The following CPED1 variants were observed in gnomAD, a reference collection of about 807,000 sequenced individuals.
CPED1 encodes cadherin-like and PC-esterase domain-containing protein 1.
A neutral mutation model predicts 128.2 loss-of-function variants in CPED1; 114 were observed. That is an observed-to-expected ratio of 0.89 (90% CI 0.76 to 1.04). CPED1 has a LOEUF of 1.04. Ranked by LOEUF, CPED1 falls within the 50% of genes least tolerant of loss-of-function variation. CPED1 has a pLI of 0.00. For synonymous variants in CPED1, 462 were observed against 426.7 expected, an observed-to-expected ratio of 1.08 and a Z score of -1.02; for missense variants, 1,211 against 1,207.1, an observed-to-expected ratio of 1.00 and a Z score of -0.05.
intron 7 of CPED1, among the ~76,000 whole-genome samples, chr7:121,103,998 C>G (rs562271304): frequency 4.6e-5 from 7 of 152,126 alleles, no homozygotes; most frequent in African/African-American, 1.7e-4. Flanking sequence ...TTTTAATGCC[C>G]TTCTACATAA....
At chr7:121,236,949 T>C (rs1245756560) in intron 17 of CPED1, 118 bp downstream of exon 17, 10 of 494,892 alleles carry the variant, frequency 2.0e-5, no homozygotes, top group Admixed American at 1.9e-4. Context: ...TTATTGACAA[T>C]GAACTATAAA....
intron 16 of CPED1, among the ~76,000 whole-genome samples, chr7:121,155,184 GA>G (rs1392244669): frequency 3.9e-5 from 6 of 152,084 alleles, no homozygotes; most frequent in African/African-American, 7.2e-5. Flanking sequence ...TTTGTACAAG[GA>G]AAACTATAAA....
intron 13 of CPED1, among the ~76,000 whole-genome samples, chr7:121,134,102 A>T (rs2116344601): frequency 6.6e-6 from 1 of 152,128 alleles, no homozygotes; most frequent in Non-Finnish European, 1.5e-5. Flanking sequence ...AAGGAAATGA[A>T]CTCCGTATGT....
chr7:121,202,079 A>G (rs1311935279), intron 16 of CPED1, among the ~76,000 whole-genome samples: 1 of 152,160 alleles, frequency 6.6e-6, no homozygotes, highest in Non-Finnish European at 1.5e-5. Flanking sequence ...TTAGACATCA[A>G]AAAGAAAAGG....
In CPED1 at chr7:121,261,673, A is replaced by C. The variant is rs866610819; in HGVS notation, c.2311-4554A>C. The C allele has an allele frequency of 2.7e-5, 44 of 1,611,048 alleles. No homozygotes were observed. In the Middle Eastern group the frequency reaches 5.0e-4, roughly 18 times the overall value. The stretch of plus-strand genomic sequence containing the variant: ...AGAGAGTTCCTAGAAGCCGTAATTG[A>C]AGACACAATCCAGTCATCCTGGGAC... On this transcript the variant is annotated intron_variant, in intron 18 of 22. Coordinates refer to ENST00000310396, the MANE Select transcript of CPED1 (RefSeq NM_024913.5).
intron 22 of CPED1, among the ~76,000 whole-genome samples, chr7:121,293,092 C>T (rs768009159): frequency 6.6e-6 from 1 of 152,184 alleles, no homozygotes; most frequent in Non-Finnish European, 1.5e-5. Context: ...CAAGCAGGAA[C>T]GTTTAAGTCT....
At chr7:121,094,083 A>G (rs73717448) in intron 5 of CPED1, among the ~76,000 whole-genome samples, 2,006 of 152,272 alleles carry the variant, frequency 0.013, 39 homozygotes, top group African/African-American at 0.046. Context: ...AAGTTCTAAG[A>G]CTTATCAATG....
Position 120,989,863 on chromosome 7 carries a change from C to A in CPED1, c.242C>A (p.Thr81Asn). 1 of 1,614,056 alleles carries A rather than the reference C, an allele frequency of 6.2e-7. No homozygotes were observed. Among genetic ancestry groups the A allele is most frequent in the Non-Finnish European group, 8.5e-7 (1 of 1,180,010 alleles). ...CFLLSGNAQETRKVKESMETH... is the reference protein window; with the variant it reads ...CFLLSGNAQENRKVKESMETH... The stretch of plus-strand genomic sequence containing the variant: ...CTTCTCTCTGGTAATGCCCAGGAAA[C>A]CAGAAAGGTAAGACTCTCATAAGCT... Residue 81 changes from threonine to asparagine, a missense_variant, in exon 2 of 23, where the codon ACC (threonine) becomes AAC (asparagine). Physicochemically the swap from Thr to Asn is moderately conservative, Grantham distance 65. Coordinates refer to ENST00000310396, the MANE Select transcript of CPED1 (RefSeq NM_024913.5).
chr7:121,209,448 T>C (rs1408871773), intron 16 of CPED1, among the ~76,000 whole-genome samples: 2 of 152,064 alleles, frequency 1.3e-5, no homozygotes, highest in African/African-American at 4.8e-5. Flanking sequence ...GTCAGCTTTA[T>C]GAAACTATAA....
intron 18 of CPED1, among the ~76,000 whole-genome samples, chr7:121,254,631 C>T (rs1050296964): frequency 2.0e-5 from 3 of 151,574 alleles, no homozygotes; most frequent in Non-Finnish European, 4.4e-5. Flanking sequence ...GTCGGTTCTT[C>T]AAAAAGATAA....
At chr7:121,152,252 A>G (rs143484896) in intron 16 of CPED1, among the ~76,000 whole-genome samples, 1 of 151,706 alleles carries the variant, frequency 6.6e-6, no homozygotes, top group African/African-American at 2.4e-5. Context: ...CCAGCTCCCC[A>G]CCCCTCCACA....
chr7:121,004,402 C>T (rs746738382), intron 2 of CPED1, among the ~76,000 whole-genome samples: 1 of 152,174 alleles, frequency 6.6e-6, no homozygotes. Flanking sequence ...CTGAATTCTA[C>T]CCTTACATCC....
intron 7 of CPED1, among the ~76,000 whole-genome samples, chr7:121,121,207 C>G (rs1030286942): frequency 1.3e-5 from 2 of 152,130 alleles, no homozygotes; most frequent in Non-Finnish European, 2.9e-5. Context: ...GGAAAGATAT[C>G]AGACATGATC....
At position 121,128,377 on chromosome 7, in the gene CPED1, T is replaced by A. The variant is rs199821017; in HGVS notation, c.1303-5T>A. The A allele has an allele frequency of 6.7e-7, 1 of 1,493,434 alleles. No individual in the cohort carries two copies. Among genetic ancestry groups the A allele is most frequent in the Admixed American group, 1.7e-5 (1 of 59,700 alleles). The allele number at this position is 1,493,434 out of a possible 1,614,324, so 92.5% of individuals were successfully genotyped here. Reference sequence around the variant, plus strand: ...TGCTTAAGTTCTTTCCCCCTACCAATACAGGGTGAAAACTATCAAAAGGAA... The same window carrying A: ...TGCTTAAGTTCTTTCCCCCTACCAAAACAGGGTGAAAACTATCAAAAGGAA... On this transcript the variant is annotated splice_polypyrimidine_tract_variant and splice_region_variant and intron_variant, in intron 10 of 22. Coordinates refer to ENST00000310396, the MANE Select transcript of CPED1 (RefSeq NM_024913.5).
chr7:121,213,660 T>C (rs1797697493), intron 16 of CPED1, among the ~76,000 whole-genome samples: 1 of 152,060 alleles, frequency 6.6e-6, no homozygotes, highest in South Asian at 2.1e-4. Flanking sequence ...AACTGTGTTC[T>C]TACAGGTTAG....
intron 3 of CPED1, among the ~76,000 whole-genome samples, chr7:121,019,958 A>T (rs1792394265): frequency 6.6e-6 from 1 of 152,016 alleles, no homozygotes; most frequent in Non-Finnish European, 1.5e-5. Context: ...CAGTGGTAAA[A>T]TCCAAGTAGT....
At chr7:121,230,113 A>G (rs1798104580) in intron 16 of CPED1, among the ~76,000 whole-genome samples, 1 of 152,108 alleles carries the variant, frequency 6.6e-6, no homozygotes, top group Non-Finnish European at 1.5e-5. Context: ...GGTGGTCCAT[A>G]GAACTGTAGC....
At chr7:121,164,256 A>G (rs1796472991) in intron 16 of CPED1, among the ~76,000 whole-genome samples, 1 of 152,162 alleles carries the variant, frequency 6.6e-6, no homozygotes, top group South Asian at 2.1e-4. Context: ...TTGCCACCCA[A>G]TTCCTCTCTG....
intron 16 of CPED1, among the ~76,000 whole-genome samples, chr7:121,202,641 T>C (rs1347824766): frequency 2.0e-5 from 3 of 152,128 alleles, no homozygotes; most frequent in Non-Finnish European, 4.4e-5. Context: ...TGAAGCAAGA[T>C]TGGGAGTCAC....
Sources: gnomAD v4.1 joint callset for allele counts (sites outside exome capture counted in the v4.1 genomes callset) on GRCh38, gnomAD v4.1.1 for gene constraint, MANE v1.5 for transcripts, NCBI Gene and HGNC (gene_info 2026-07-23, HGNC 2026-07-21) for gene names.